The following FAM161A variants were observed in gnomAD, a reference collection of about 807,000 sequenced individuals.
FAM161A encodes the protein FAM161 centrosomal protein A, also known as protein FAM161A.
In FAM161A, 57 loss-of-function variants were observed where a neutral mutation model predicts 70.9. The observed-to-expected ratio is 0.80, with a 90% CI of 0.65 to 1.00. FAM161A has a LOEUF of 1.00. Among genes scored for constraint, FAM161A ranks in the 50% least tolerant of loss-of-function variants. The pLI is 0.00. For missense variants in FAM161A, 880 were observed against 836.0 expected, an observed-to-expected ratio of 1.05 and a Z score of -0.65; for synonymous variants, 299 against 295.7, an observed-to-expected ratio of 1.01 and a Z score of -0.12.
In FAM161A at chr2:61,840,120, A is replaced by G; in HGVS notation, c.884T>C (p.Leu295Pro). 6.2e-7 allele frequency: 1 copy of G among 1,614,094 alleles called. No homozygotes were observed. Among genetic ancestry groups the G allele is most frequent in the Non-Finnish European group, 8.5e-7 (1 of 1,180,024 alleles). Residue 295 changes from leucine to proline, a missense_variant, in exon 3 of 7, where the codon CTT (leucine) becomes CCT (proline). Physicochemically the swap from Leu to Pro is moderately conservative, Grantham distance 98 (BLOSUM62 -3). Coordinates refer to ENST00000404929, the MANE Select transcript of FAM161A (RefSeq NM_001201543.2). ...NPVPASVFLPLYHDLVKQKEE... is the reference protein window; with the variant it reads ...NPVPASVFLPPYHDLVKQKEE... ...TTTTTGCTTGACTAAATCATGGTAA[A>G]GGGGGAGAAAGACAGATGCAGGAAC...
In FAM161A at chr2:61,839,302, T is replaced by C. The variant is rs1672905288; in HGVS notation, c.1583+119A>G. ...ATATCATATATTATATAGTAAAATA[T>C]CTTATAGATACAATAATAATTTCTA... On this transcript the variant is annotated intron_variant, in intron 3 of 6. Coordinates refer to ENST00000404929, the MANE Select transcript of FAM161A (RefSeq NM_001201543.2). The C allele has an allele frequency of 4.7e-6, 4 of 850,602 alleles. 1 individual carries two copies. The South Asian group carries it at 6.0e-5, about 13-fold the overall frequency. The allele number at this position is 850,602 out of a possible 1,614,324, so 52.7% of individuals were successfully genotyped here.
At chr2:61,813,378 T>TA in the FAM161A span, among the ~76,000 whole-genome samples, 44,511 of 144,696 alleles carry the variant, frequency 0.31, 6,694 homozygotes, top group Middle Eastern at 0.36. Flanking sequence ...TCGTCTCTAC[T>TA]AAAAAAAAAA....
rs116885678 is a variant in FAM161A at position 61,850,022 on chromosome 2, G to A, written c.183+3837C>T. 2.4e-4 allele frequency among the ~76,000 whole-genome samples: 37 copies of A among 152,172 alleles called. No individual in the cohort carries two copies. In the East Asian group the frequency reaches 7.0e-3, roughly 29 times the overall value. Reference sequence around the variant, plus strand: ...CGTAGGTTGAAAAACTATCTATTGGGTACCATGCTCACTACCTGGATGCAA... The same window carrying A: ...CGTAGGTTGAAAAACTATCTATTGGATACCATGCTCACTACCTGGATGCAA... On this transcript the variant is annotated intron_variant, in intron 1 of 6. Transcript: ENST00000404929.
At chr2:61,816,557 C>T in the FAM161A span, among the ~76,000 whole-genome samples, 2 of 152,074 alleles carry the variant, frequency 1.3e-5, no homozygotes, top group East Asian at 1.9e-4. Flanking sequence ...ACCTCCTGGA[C>T]TCAAGCAATC....
the FAM161A span, among the ~76,000 whole-genome samples, chr2:61,802,816 G>C: frequency 6.6e-6 from 1 of 152,122 alleles, no homozygotes; most frequent in Non-Finnish European, 1.5e-5. Flanking sequence ...GAGGTAGCAG[G>C]GACTCCTCTT....
intron 3 of FAM161A, among the ~76,000 whole-genome samples, 195 bp from the exon 4 acceptor site, chr2:61,838,900 T>TTTTTTTTTTTA (rs1672886667): frequency 9.5e-6 from 1 of 105,192 alleles, no homozygotes; most frequent in African/African-American, 3.2e-5. Flanking sequence ...TTATTTTTTT[T>TTTTTTTTTTTA]GAGATGGAGT....
chr2:61,852,342 G>T (rs1673526159), intron 1 of FAM161A, among the ~76,000 whole-genome samples: 1 of 152,220 alleles, frequency 6.6e-6, no homozygotes, highest in Non-Finnish European at 1.5e-5. Flanking sequence ...GCAAGCCAAA[G>T]TTGAGTTTAA....
chr2:61,820,651 G>A, downstream of FAM161A: 1 of 542,492 alleles, frequency 1.8e-6, no homozygotes, highest in Admixed American at 2.6e-5. Context: ...GTGTGATGAT[G>A]GTATTAGAGC....
chr2:61,818,953 A>G, the FAM161A span, among the ~76,000 whole-genome samples: 2 of 152,210 alleles, frequency 1.3e-5, no homozygotes, highest in Non-Finnish European at 2.9e-5. Flanking sequence ...AGTGTCAATA[A>G]TAATGCAACA....
downstream of FAM161A, chr2:61,820,454 C>A (rs1672178857): frequency 1.3e-6 from 1 of 756,026 alleles, no homozygotes; most frequent in Non-Finnish European, 2.4e-6. Flanking sequence ...GCTGTGGAAC[C>A]AAAGAGGGCT....
chr2:61,840,665 T>A, intron 2 of FAM161A, 84 bp from the exon 3 acceptor site: 1 of 1,124,508 alleles, frequency 8.9e-7, no homozygotes, highest in Non-Finnish European at 1.3e-6. Flanking sequence ...TTCTTTTTTT[T>A]TCTGAGACAG....
downstream of FAM161A, chr2:61,824,825 G>A: frequency 5.4e-6 from 2 of 369,964 alleles, no homozygotes; most frequent in Non-Finnish European, 1.0e-5. Flanking sequence ...TTCTGAAGTA[G>A]CTGTAAGTAT....
At chr2:61,846,215 G>A (rs950994629) in intron 1 of FAM161A, among the ~76,000 whole-genome samples, 5 of 152,150 alleles carry the variant, frequency 3.3e-5, no homozygotes, top group Non-Finnish European at 7.4e-5. Context: ...TGGGGTTGGG[G>A]AGGCTGTGCA....
downstream of FAM161A, among the ~76,000 whole-genome samples, chr2:61,821,818 G>C (rs1242774332): frequency 6.6e-6 from 1 of 151,836 alleles, no homozygotes; most frequent in Non-Finnish European, 1.5e-5. Context: ...TGCCCGGGCT[G>C]GAGTGCAGTG....
At chr2:61,848,816 ATATATATATATC>A (rs1673323977) in intron 1 of FAM161A, among the ~76,000 whole-genome samples, 2 of 10,652 alleles carry the variant, frequency 1.9e-4, no homozygotes, top group African/African-American at 5.1e-4. Context: ...ATATATATTT[ATATATATATATC>A]TATATATATT....
downstream of FAM161A, among the ~76,000 whole-genome samples, chr2:61,822,885 C>A (rs192525699): frequency 1.1e-3 from 162 of 152,166 alleles, 2 homozygotes; most frequent in Non-Finnish European, 2.0e-3. Context: ...CCGCTGCACC[C>A]GGCCTGAAGT....
chr2:61,836,123 A>C lies in FAM161A; in HGVS notation c.1752-14T>G. On this transcript the variant is annotated splice_polypyrimidine_tract_variant and intron_variant, in intron 4 of 6. Transcript: ENST00000404929. ...TTTTCGCTCTTTCTAAAATTAAAGA[A>C]AAGCAATGGAATTTTAAAAGATCAT... 6.4e-7 allele frequency: 1 copy of C among 1,553,370 alleles called. No individual in the cohort carries two copies. The highest frequency in any genetic ancestry group is 1.4e-5 in the African/African-American group (1 of 73,592).
At chr2:61,846,164 G>A (rs1166815249) in intron 1 of FAM161A, among the ~76,000 whole-genome samples, 2 of 149,998 alleles carry the variant, frequency 1.3e-5, no homozygotes, top group African/African-American at 2.4e-5. Flanking sequence ...GAAGGGGAAA[G>A]TACCCTAGGC....
At chr2:61,836,602 C>T (rs1239043475) in intron 4 of FAM161A, 1 of 156,680 alleles carries the variant, frequency 6.4e-6, no homozygotes, top group Non-Finnish European at 1.4e-5. Flanking sequence ...GAGATGGAGT[C>T]TCATTCTGTT....
Sources: gnomAD v4.1 joint callset for allele counts (sites outside exome capture counted in the v4.1 genomes callset) on GRCh38, gnomAD v4.1.1 for gene constraint, MANE v1.5 for transcripts, NCBI Gene and HGNC (gene_info 2026-07-23, HGNC 2026-07-21) for gene names.